Variants in KCNMB2 observed in about 807,000 individuals in gnomAD.
KCNMB2 encodes the protein calcium-activated potassium channel subunit beta-2.
Under a neutral mutation model 24.5 loss-of-function variants are expected in KCNMB2, and 9 were observed. That is an observed-to-expected ratio of 0.37 (90% CI 0.22 to 0.64). The LOEUF is 0.64. Ranked by LOEUF, KCNMB2 falls within the 30% of genes least tolerant of loss-of-function variation. The pLI is 0.63. For synonymous variants in KCNMB2, 109 were observed against 104.4 expected (o/e 1.04, Z -0.27); for missense variants, 226 against 284.3 (o/e 0.79, Z 1.47).
rs34936521 is a variant in KCNMB2 at position 178,676,461 on chromosome 3, G to A, written c.-67-130882G>A. On this transcript the variant is annotated intron_variant, in intron 1 of 4. Coordinates refer to ENST00000452583, the MANE Select transcript of KCNMB2 (RefSeq NM_181361.3). ...TCCTCTCCCCTAACATCCAAAGTCCGTCTTCACATCCTCCTCAGCCATTTT... is the reference window on the plus strand; with the variant it reads ...TCCTCTCCCCTAACATCCAAAGTCCATCTTCACATCCTCCTCAGCCATTTT... 3.8e-3 allele frequency among the ~76,000 whole-genome samples: 572 copies of A among 152,172 alleles called. 5 individuals are homozygous for A. Among genetic ancestry groups the A allele is most frequent in the Middle Eastern group, 0.014 (4 of 294 alleles).
chr3:178,731,305 C>T (rs7644458), intron 1 of KCNMB2, among the ~76,000 whole-genome samples: 73,887 of 151,900 alleles, frequency 0.49, 18,449 homozygotes, highest in African/African-American at 0.61. Context: ...AGGATTTCAG[C>T]GAACCAGTGG....
At chr3:178,569,204 A>G (rs1206305931) in intron 1 of KCNMB2, among the ~76,000 whole-genome samples, 1 of 152,178 alleles carries the variant, frequency 6.6e-6, no homozygotes, top group Non-Finnish European at 1.5e-5. Flanking sequence ...CTTTGCCCTC[A>G]GTAGGACAGA....
At chr3:178,591,906 A>C in intron 1 of KCNMB2, among the ~76,000 whole-genome samples, 1 of 150,892 alleles carries the variant, frequency 6.6e-6, no homozygotes, top group Non-Finnish European at 1.5e-5. Flanking sequence ...CTCTGCCTTT[A>C]TTTTTTTTTA....
chr3:178,758,493 G>GATGTAT (rs1225188923), intron 1 of KCNMB2, among the ~76,000 whole-genome samples: 1 of 14,072 alleles, frequency 7.1e-5, no homozygotes, highest in Non-Finnish European at 1.2e-4. Context: ...AGAGGTGATT[G>GATGTAT]ATATATATAT....
chr3:178,581,719 C>T (rs1717213766), intron 1 of KCNMB2, among the ~76,000 whole-genome samples: 1 of 152,132 alleles, frequency 6.6e-6, no homozygotes, highest in Admixed American at 6.5e-5. Context: ...TATAAACAGA[C>T]ACTTCTCAAA....
chr3:178,589,266 A>C (rs1288473993), intron 1 of KCNMB2, among the ~76,000 whole-genome samples: 1 of 152,206 alleles, frequency 6.6e-6, no homozygotes, highest in African/African-American at 2.4e-5. Context: ...CACTAGGTGC[A>C]TTGTAAAATC....
At chr3:178,804,894 A>G (rs920483613) in intron 1 of KCNMB2, among the ~76,000 whole-genome samples, 2 of 152,260 alleles carry the variant, frequency 1.3e-5, no homozygotes, top group Non-Finnish European at 2.9e-5. Context: ...CATTCTTATG[A>G]AGTAATTCAT....
At chr3:178,736,822 C>T (rs1577137545) in intron 1 of KCNMB2, among the ~76,000 whole-genome samples, 1 of 152,194 alleles carries the variant, frequency 6.6e-6, no homozygotes, top group Non-Finnish European at 1.5e-5. Flanking sequence ...AAAACAATGA[C>T]ATATGATGCG....
At chr3:178,632,722 T>TG (rs1719365589) in intron 1 of KCNMB2, among the ~76,000 whole-genome samples, 1 of 152,078 alleles carries the variant, frequency 6.6e-6, no homozygotes, top group South Asian at 2.1e-4. Context: ...TGTCCTCACA[T>TG]TTCAAAACAC....
intron 1 of KCNMB2, among the ~76,000 whole-genome samples, chr3:178,793,527 A>G (rs1713412918): frequency 6.9e-6 from 1 of 144,844 alleles, no homozygotes; most frequent in Non-Finnish European, 1.5e-5. Flanking sequence ...GGGGGTGGGC[A>G]ATGGACAGCA....
At position 178,598,144 on chromosome 3, in the gene KCNMB2, G is replaced by T. The variant is rs2219737; in HGVS notation, c.-68+61433G>T. On this transcript the variant is annotated intron_variant, in intron 1 of 4. Transcript: ENST00000452583. The stretch of plus-strand genomic sequence containing the variant: ...GCGACATAAGCTCAGTCAGGTACCT[G>T]ACCATTTTGCTATAACCCCTCCATC... Among the ~76,000 whole-genome samples the T allele has an allele frequency of 3.6e-3, 543 of 151,918 alleles. 5 individuals are homozygous for T. The highest frequency in any genetic ancestry group is 0.013 in the African/African-American group (524 of 41,396).
intron 1 of KCNMB2, among the ~76,000 whole-genome samples, chr3:178,724,187 G>C (rs1283093886): frequency 6.6e-6 from 1 of 151,638 alleles, no homozygotes; most frequent in East Asian, 1.9e-4. Flanking sequence ...TTACTCTTTA[G>C]TAATAGCCAT....
At chr3:178,613,165 A>C (rs768531631) in intron 1 of KCNMB2, among the ~76,000 whole-genome samples, 4 of 152,216 alleles carry the variant, frequency 2.6e-5, no homozygotes, top group Admixed American at 6.5e-5. Context: ...TGGGTGGCCA[A>C]GGTAAGAGTA....
intron 1 of KCNMB2, among the ~76,000 whole-genome samples, chr3:178,767,815 A>G (rs1267470203): frequency 2.6e-5 from 4 of 152,158 alleles, no homozygotes; most frequent in African/African-American, 9.7e-5. Context: ...CCTGACATCT[A>G]CAGCCCAAGG....
intron 1 of KCNMB2, among the ~76,000 whole-genome samples, chr3:178,800,136 T>C (rs1194440483): frequency 6.6e-6 from 1 of 151,986 alleles, no homozygotes; most frequent in Non-Finnish European, 1.5e-5. Flanking sequence ...TCTTGAGCAG[T>C]ACCCCAAAAA....
chr3:178,564,667 A>T (rs1190667735), intron 1 of KCNMB2, among the ~76,000 whole-genome samples: 1 of 152,238 alleles, frequency 6.6e-6, no homozygotes, highest in Non-Finnish European at 1.5e-5. Context: ...GCACAAGAAA[A>T]CTAGAGCTCA....
intron 1 of KCNMB2, among the ~76,000 whole-genome samples, chr3:178,759,332 T>TCTCC (rs1711575568): frequency 9.5e-6 from 1 of 105,442 alleles, no homozygotes; most frequent in Non-Finnish European, 1.9e-5. Context: ...TATATATATA[T>TCTCC]ATCTCCAAGA....
At chr3:178,762,302 A>G (rs1448395504) in intron 1 of KCNMB2, among the ~76,000 whole-genome samples, 2 of 152,252 alleles carry the variant, frequency 1.3e-5, no homozygotes, top group African/African-American at 4.8e-5. Flanking sequence ...AAAGGTGAGA[A>G]GAATCCAGCC....
At chr3:178,826,638 G>C (rs1262416836) in intron 3 of KCNMB2, among the ~76,000 whole-genome samples, 3 of 152,158 alleles carry the variant, frequency 2.0e-5, no homozygotes, top group Non-Finnish European at 4.4e-5. Flanking sequence ...CAGCAGTTCA[G>C]CTTAAAGAAA....
Sources: gnomAD v4.1 joint callset for allele counts (sites outside exome capture counted in the v4.1 genomes callset) on GRCh38, gnomAD v4.1.1 for gene constraint, MANE v1.5 for transcripts, NCBI Gene and HGNC (gene_info 2026-07-23, HGNC 2026-07-21) for gene names.